DLG2: variants seen among roughly 807,000 people sequenced by gnomAD.
DLG2 encodes discs large MAGUK scaffold protein 2, also known as disks large homolog 2.
DLG2 carries 45 observed loss-of-function variants against 132.5 expected under a neutral mutation model. The observed-to-expected ratio is 0.34, with a 90% confidence interval of 0.27 to 0.44. DLG2 has a LOEUF of 0.44. Among genes scored for constraint, DLG2 ranks in the 20% least tolerant of loss-of-function variants. DLG2 has a pLI of 1.00. For synonymous variants in DLG2, 424 were observed against 419.6 expected (o/e 1.01, Z -0.13); for missense variants, 1,045 against 1,196.9 (o/e 0.87, Z 1.87).
At chr11:83,476,561 ACTT>A (rs1318757136) in intron 22 of DLG2, among the ~76,000 whole-genome samples, 2 of 152,160 alleles carry the variant, frequency 1.3e-5, no homozygotes, top group Non-Finnish European at 2.9e-5. Context: ...CAGAAGATGA[ACTT>A]AATATACGTA....
intron 21 of DLG2, among the ~76,000 whole-genome samples, chr11:83,515,399 C>G (rs1331207214): frequency 6.6e-6 from 1 of 151,986 alleles, no homozygotes; most frequent in Non-Finnish European, 1.5e-5. Context: ...TTTATTGCGT[C>G]TATTTGATTC....
At chr11:85,346,066 C>T (rs2082820421) in intron 3 of DLG2, among the ~76,000 whole-genome samples, 1 of 151,992 alleles carries the variant, frequency 6.6e-6, no homozygotes, top group African/African-American at 2.4e-5. Flanking sequence ...AACAGCTACT[C>T]CATAGACAGA....
chr11:83,480,286 A>AAAAC, intron 22 of DLG2: 1 of 1,101,414 alleles, frequency 9.1e-7, no homozygotes, highest in South Asian at 1.3e-5. Context: ...TAGCAATTGA[A>AAAAC]AAACAACAAC....
At chr11:84,277,058 G>C (rs138917570) in intron 7 of DLG2, among the ~76,000 whole-genome samples, 1 of 152,276 alleles carries the variant, frequency 6.6e-6, no homozygotes, top group African/African-American at 2.4e-5. Flanking sequence ...CAATGGACTT[G>C]TTGCGTTGAG....
intron 6 of DLG2, among the ~76,000 whole-genome samples, chr11:84,833,568 GC>G (rs1006879670): frequency 9.9e-5 from 15 of 151,092 alleles, no homozygotes; most frequent in African/African-American, 3.6e-4. Context: ...GCTTCTCTGA[GC>G]CCCACTTTTA....
At position 83,579,548 on chromosome 11, in the gene DLG2, C is replaced by T. The variant is rs535417527; in HGVS notation, c.1941-37690G>A. On this transcript the variant is annotated intron_variant, in intron 19 of 27. Transcript: ENST00000376104. The stretch of plus-strand genomic sequence containing the variant: ...CGTTTATTTTACTTGTGGTATTATG[C>T]CTTAAAGCTCTTTAATAAGCATGTC... Among the ~76,000 whole-genome samples the T allele has an allele frequency of 1.3e-3, 203 of 151,776 alleles. 2 individuals carry two copies. The highest frequency in any genetic ancestry group is 4.6e-3 in the African/African-American group (190 of 41,382).
chr11:85,417,184 T>G (rs2089939994), intron 3 of DLG2, among the ~76,000 whole-genome samples: 1 of 152,228 alleles, frequency 6.6e-6, no homozygotes, highest in Non-Finnish European at 1.5e-5. Flanking sequence ...AGGCCTTTTC[T>G]GCATCTATTG....
chr11:83,822,788 A>T (rs1221230882), intron 17 of DLG2, among the ~76,000 whole-genome samples: 3 of 152,056 alleles, frequency 2.0e-5, no homozygotes, highest in Non-Finnish European at 4.4e-5. Context: ...TTTTCATATA[A>T]GTTACCTGGA....
intron 6 of DLG2, among the ~76,000 whole-genome samples, chr11:84,928,530 G>C (rs542218590): frequency 6.6e-6 from 1 of 151,890 alleles, no homozygotes; most frequent in African/African-American, 2.4e-5. Flanking sequence ...TAGAGGTAAA[G>C]GTGAAGGTAA....
chr11:83,961,498 C>T (rs2088767105), intron 14 of DLG2, among the ~76,000 whole-genome samples: 1 of 151,976 alleles, frequency 6.6e-6, no homozygotes, highest in Non-Finnish European at 1.5e-5. Flanking sequence ...TAAGCAAGTT[C>T]CATAACCTCT....
chr11:84,375,617 T>A (rs1050732737), intron 7 of DLG2, among the ~76,000 whole-genome samples: 2 of 152,088 alleles, frequency 1.3e-5, no homozygotes, highest in African/African-American at 4.8e-5. Flanking sequence ...TCATCTGACT[T>A]TATCCGTTTT....
chr11:84,388,762 G>A (rs1191331996), intron 7 of DLG2, among the ~76,000 whole-genome samples: 1 of 151,946 alleles, frequency 6.6e-6, no homozygotes, highest in African/African-American at 2.4e-5. Flanking sequence ...TCAGGAATTG[G>A]AAGTAGAAAC....
chr11:85,362,909 T>C (rs1307447757), intron 3 of DLG2, among the ~76,000 whole-genome samples: 1 of 152,198 alleles, frequency 6.6e-6, no homozygotes, highest in Non-Finnish European at 1.5e-5. Context: ...ATTTTCTCTC[T>C]AAAAATTACT....
At chr11:85,156,547 G>T (rs1050687478) in intron 4 of DLG2, among the ~76,000 whole-genome samples, 30 of 151,940 alleles carry the variant, frequency 2.0e-4, no homozygotes, top group Non-Finnish European at 2.9e-5. Context: ...CCCCTCTTTG[G>T]GCCACTCCTC....
At position 85,375,435 on chromosome 11, in the gene DLG2, C is replaced by G. The variant is rs142582703; in HGVS notation, c.41-90070G>C. Among the ~76,000 whole-genome samples, 441 of 152,178 alleles carry G rather than the reference C, an allele frequency of 2.9e-3. 1 individual carries two copies. Among genetic ancestry groups the G allele is most frequent in the African/African-American group, 0.01 (427 of 41,518 alleles). On this transcript the variant is annotated intron_variant, in intron 3 of 27. Coordinates refer to ENST00000376104, the MANE Select transcript of DLG2 (RefSeq NM_001142699.3). ...GTGGCTCACGCCTAACCCCAGCACT[C>G]TGGGAGGCTGAGGCAGGAGGATCAC... is the stretch of plus-strand genomic sequence containing the variant.
chr11:83,690,331 T>C (rs1359955358), intron 18 of DLG2, among the ~76,000 whole-genome samples: 1 of 151,366 alleles, frequency 6.6e-6, no homozygotes, highest in Non-Finnish European at 1.5e-5. Context: ...ACTGGGACAA[T>C]AGAAAAAACC....
chr11:83,920,336 G>A (rs770277756), intron 15 of DLG2, among the ~76,000 whole-genome samples: 5 of 95,682 alleles, frequency 5.2e-5, no homozygotes, highest in Non-Finnish European at 1.0e-4. Context: ...GGTTGATAGG[G>A]AAGGTTTATT....
At chr11:85,434,240 C>A (rs1252961303) in intron 3 of DLG2, among the ~76,000 whole-genome samples, 1 of 152,000 alleles carries the variant, frequency 6.6e-6, no homozygotes, top group Non-Finnish European at 1.5e-5. Context: ...CAAATCGACA[C>A]CCTAACATCA....
intron 16 of DLG2, among the ~76,000 whole-genome samples, chr11:83,869,935 C>T (rs1565422514): frequency 1.3e-5 from 2 of 152,170 alleles, no homozygotes; most frequent in Admixed American, 1.3e-4. Flanking sequence ...TGAAAGAAAG[C>T]TTTCTGAGTA....
Sources: allele counts gnomAD v4.1 joint callset (sites outside exome capture counted in the v4.1 genomes callset), GRCh38; gene constraint gnomAD v4.1.1; transcripts MANE v1.5; gene names NCBI Gene and HGNC (gene_info 2026-07-23, HGNC 2026-07-21).